Variants in TMEM232 observed in about 807,000 individuals in gnomAD.
The protein encoded by TMEM232 is transmembrane protein 232.
TMEM232 carries 80 observed loss-of-function variants against 78.8 expected under a neutral mutation model. That is an observed-to-expected ratio of 1.01 (90% CI 0.85 to 1.22). The LOEUF is 1.22. Ranked by LOEUF, TMEM232 falls within the 50% of genes most tolerant of loss-of-function variation. The pLI is 0.00. For synonymous variants in TMEM232, 297 were observed against 254.3 expected (o/e 1.17, Z -1.60); for missense variants, 881 against 742.2 (o/e 1.19, Z -2.17).
At chr5:110,441,828 T>TG (rs1759076088) in intron 12 of TMEM232, among the ~76,000 whole-genome samples, 1 of 152,184 alleles carries the variant, frequency 6.6e-6, no homozygotes, top group African/African-American at 2.4e-5. Context: ...CCAGTTTTAC[T>TG]GGGATGGTCC....
chr5:110,425,257 A>G (rs921859581), intron 12 of TMEM232, among the ~76,000 whole-genome samples: 1 of 152,150 alleles, frequency 6.6e-6, no homozygotes, highest in African/African-American at 2.4e-5. Context: ...ATACATTTCC[A>G]AAGTCTTTGT....
chr5:110,540,950 G>A (rs1010968250), intron 11 of TMEM232, among the ~76,000 whole-genome samples: 1 of 152,138 alleles, frequency 6.6e-6, no homozygotes, highest in Non-Finnish European at 1.5e-5. Context: ...CATTGTAGGG[G>A]ACTTAACGCC....
intron 1 of TMEM232, among the ~76,000 whole-genome samples, chr5:110,670,414 C>A (rs1159814510): frequency 2.0e-5 from 3 of 152,130 alleles, no homozygotes; most frequent in Middle Eastern, 3.2e-3. Context: ...ACCTAGAAAT[C>A]CAACTTACAA....
chr5:110,573,694 G>A (rs757216463), intron 10 of TMEM232, among the ~76,000 whole-genome samples: 2 of 152,068 alleles, frequency 1.3e-5, no homozygotes, highest in Non-Finnish European at 2.9e-5. Context: ...GAAAACTACT[G>A]TAGACAGAAT....
chr5:110,736,943 C>T (rs1349829965), intron 1 of TMEM232, among the ~76,000 whole-genome samples: 3 of 151,588 alleles, frequency 2.0e-5, no homozygotes, highest in Non-Finnish European at 4.4e-5. Context: ...TGGCTCACTC[C>T]CTCACTTCAT....
At chr5:110,425,644 C>T (rs940431696) in intron 12 of TMEM232, among the ~76,000 whole-genome samples, 1 of 152,052 alleles carries the variant, frequency 6.6e-6, no homozygotes. Flanking sequence ...ACAGTCCCCT[C>T]ATTTCATCAG....
At chr5:110,603,261 C>T (rs1446571899) in intron 10 of TMEM232, among the ~76,000 whole-genome samples, 1 of 152,104 alleles carries the variant, frequency 6.6e-6, no homozygotes, top group Non-Finnish European at 1.5e-5. Context: ...AACAAGCCTG[C>T]AAGTTCTACA....
At chr5:110,527,220 G>A (rs1435239926) in intron 12 of TMEM232, among the ~76,000 whole-genome samples, 1 of 151,816 alleles carries the variant, frequency 6.6e-6, no homozygotes, top group African/African-American at 2.4e-5. Flanking sequence ...TCTTAAAGTG[G>A]AGAGATCATA....
intron 4 of TMEM232, among the ~76,000 whole-genome samples, chr5:110,389,469 AG>A (rs1755103641): frequency 6.6e-6 from 1 of 152,216 alleles, no homozygotes; most frequent in South Asian, 2.1e-4. Flanking sequence ...TCATGGCCAG[AG>A]GATAAAGAAT....
At chr5:110,661,317 T>C (rs1181626427) in intron 2 of TMEM232, among the ~76,000 whole-genome samples, 1 of 152,166 alleles carries the variant, frequency 6.6e-6, no homozygotes, top group Non-Finnish European at 1.5e-5. Flanking sequence ...TCTCTTTTAT[T>C]GTTTCTTCTC....
intron 12 of TMEM232, among the ~76,000 whole-genome samples, chr5:110,496,285 TA>T (rs1561570948): frequency 6.6e-6 from 1 of 152,014 alleles, no homozygotes; most frequent in African/African-American, 2.4e-5. Context: ...TTTTATTTCA[TA>T]AAAACAAGTG....
chr5:110,702,372 C>T (rs1795518736), intron 1 of TMEM232, among the ~76,000 whole-genome samples: 1 of 151,842 alleles, frequency 6.6e-6, no homozygotes, highest in Admixed American at 6.6e-5. Context: ...GTCTGAGGGC[C>T]ACTTTAGCCA....
intron 10 of TMEM232, among the ~76,000 whole-genome samples, chr5:110,604,295 T>G (rs780541236): frequency 4.6e-5 from 7 of 152,116 alleles, no homozygotes; most frequent in Non-Finnish European, 8.8e-5. Context: ...CTTGGAAAAA[T>G]CAAAATGTTT....
chr5:110,541,204 T>C (rs1301846981), intron 11 of TMEM232, among the ~76,000 whole-genome samples: 2 of 152,146 alleles, frequency 1.3e-5, no homozygotes, highest in East Asian at 3.9e-4. Context: ...TCACTGGGCC[T>C]AACTTAGCTT....
chr5:110,606,340 T>A, intron 8 of TMEM232, 53 bp from the exon 9 acceptor site: 9 of 1,434,038 alleles, frequency 6.3e-6, no homozygotes, highest in Non-Finnish European at 8.4e-6. Flanking sequence ...ATAATAATAA[T>A]AATCAACTTT....
intron 10 of TMEM232, among the ~76,000 whole-genome samples, chr5:110,598,189 A>G (rs1361236860): frequency 2.6e-5 from 4 of 152,240 alleles, no homozygotes; most frequent in Non-Finnish European, 5.9e-5. Context: ...CCCATCAAAA[A>G]GTGGGCAAAG....
At chr5:110,507,705 C>G (rs771141963) in intron 12 of TMEM232, among the ~76,000 whole-genome samples, 1 of 152,114 alleles carries the variant, frequency 6.6e-6, no homozygotes, top group Non-Finnish European at 1.5e-5. Context: ...ATGTATTGTT[C>G]TTCTTTCTGT....
At chr5:110,684,804 C>A (rs1458135981) in intron 1 of TMEM232, 1 of 152,044 alleles carries the variant, frequency 6.6e-6, no homozygotes, top group Non-Finnish European at 1.5e-5. Context: ...CTATGTCCCC[C>A]CTATTCACAA....
Position 110,420,528 on chromosome 5 carries a change from G to A in TMEM232, c.*52C>T, listed in dbSNP as rs1580597088. ...GCTATCTTGGTATTTTTCATCCTAT[G>A]TATTTCTGCCATGTAGTCCTCAATT... On this transcript the variant is annotated 3_prime_UTR_variant, in exon 14 of 14. Transcript: ENST00000455884. 6 of 1,129,680 alleles carry A rather than the reference G, an allele frequency of 5.3e-6. No homozygotes were observed. Among genetic ancestry groups the A allele is most frequent in the Non-Finnish European group, 7.1e-6 (6 of 849,280 alleles). 70.0% of individuals were successfully genotyped at this position (1,129,680 alleles called of 1,614,324 possible).
Sources: allele counts gnomAD v4.1 joint callset (sites outside exome capture counted in the v4.1 genomes callset), GRCh38; gene constraint gnomAD v4.1.1; transcripts MANE v1.5; gene names NCBI Gene and HGNC (gene_info 2026-07-23, HGNC 2026-07-21).